Variants in NELL2 observed in about 807,000 individuals in gnomAD.
NELL2 encodes protein kinase C-binding protein NELL2.
Under a neutral mutation model 109.6 loss-of-function variants are expected in NELL2, and 41 were observed. The observed-to-expected ratio is 0.37, with a 90% confidence interval of 0.29 to 0.49. NELL2 has a LOEUF of 0.49. NELL2 is among the 20% of genes least tolerant of loss of function. The pLI, the probability that NELL2 is intolerant of heterozygous loss-of-function variation, is 0.98. For missense variants in NELL2, 900 were observed against 1,008.3 expected (o/e 0.89, Z 1.45); for synonymous variants, 355 against 344.7 (o/e 1.03, Z -0.33).
chr12:44,655,134 C>A (rs1947454504), intron 13 of NELL2, among the ~76,000 whole-genome samples: 2 of 152,122 alleles, frequency 1.3e-5, no homozygotes, highest in South Asian at 4.1e-4. Flanking sequence ...ATACATCCAC[C>A]TGGGACAAAG....
intron 1 of NELL2, among the ~76,000 whole-genome samples, chr12:44,920,314 C>A (rs988383387): frequency 2.6e-5 from 4 of 151,982 alleles, no homozygotes; most frequent in African/African-American, 9.7e-5. Flanking sequence ...AATTTTAATT[C>A]TTTAGAAAGA....
chr12:44,864,192 T>C (rs1944922273), intron 2 of NELL2, among the ~76,000 whole-genome samples: 1 of 152,236 alleles, frequency 6.6e-6, no homozygotes, highest in East Asian at 1.9e-4. Flanking sequence ...ATTAACATAA[T>C]ACCTGTAGTA....
At chr12:44,735,053 T>C (rs914382426) in intron 9 of NELL2, among the ~76,000 whole-genome samples, 5 of 152,140 alleles carry the variant, frequency 3.3e-5, no homozygotes. Flanking sequence ...AAGTTAATAT[T>C]GCCTTTGGCT....
chr12:44,698,349 T>C (rs7974610), intron 12 of NELL2, among the ~76,000 whole-genome samples: 9,454 of 152,252 alleles, frequency 0.062, 969 homozygotes, highest in African/African-American at 0.21. Flanking sequence ...TCAGGGCTAA[T>C]GGATAAATAG....
intron 3 of NELL2, among the ~76,000 whole-genome samples, chr12:44,796,888 G>A (rs1281420215): frequency 6.6e-6 from 1 of 151,938 alleles, no homozygotes; most frequent in Non-Finnish European, 1.5e-5. Context: ...AGGAAAAAAT[G>A]ACCACTTGTA....
chr12:44,882,630 C>A (rs534690426), intron 1 of NELL2, among the ~76,000 whole-genome samples: 51 of 151,668 alleles, frequency 3.4e-4, no homozygotes, highest in Admixed American at 1.3e-3. Flanking sequence ...CGAGTTCGAG[C>A]AATTCTCCTG....
chr12:44,812,054 C>A (rs945894679), intron 3 of NELL2, among the ~76,000 whole-genome samples: 1 of 151,942 alleles, frequency 6.6e-6, no homozygotes, highest in Admixed American at 6.6e-5. Context: ...CTATGGTGAA[C>A]TAGAATGCAC....
chr12:44,746,179 C>G (rs1349422714), intron 9 of NELL2, among the ~76,000 whole-genome samples: 2 of 152,056 alleles, frequency 1.3e-5, no homozygotes, highest in Non-Finnish European at 2.9e-5. Context: ...ACAAACCTGA[C>G]AAAAACAAGA....
At chr12:44,883,780 T>C (rs1047912654) in intron 1 of NELL2, among the ~76,000 whole-genome samples, 7 of 152,100 alleles carry the variant, frequency 4.6e-5, no homozygotes, top group Non-Finnish European at 1.0e-4. Context: ...GAAGTATGTA[T>C]ATCATAATTC....
At chr12:44,558,496 A>G (rs7974071) in intron 15 of NELL2, among the ~76,000 whole-genome samples, 5,321 of 152,276 alleles carry the variant, frequency 0.035, 335 homozygotes, top group African/African-American at 0.12. Context: ...CAGTGGGTGC[A>G]GCCCAGGGAG....
chr12:44,519,546 A>G (rs1941425343), intron 19 of NELL2, among the ~76,000 whole-genome samples: 1 of 152,212 alleles, frequency 6.6e-6, no homozygotes, highest in African/African-American at 2.4e-5. Flanking sequence ...ACCAAGAAAT[A>G]TGCCCATCTT....
chr12:44,659,776 C>CT lies in NELL2; in HGVS notation c.1444+5707dup, dbSNP rs989633649. ...TCCTTGAGGAACACCAGAGGAGCCC[C>CT]TTTTTTTTCAACAACAAAAACTCAA... On this transcript the variant is annotated intron_variant, in intron 13 of 19. Coordinates refer to ENST00000429094, the MANE Select transcript of NELL2 (RefSeq NM_001145108.2). Among the ~76,000 whole-genome samples, 6 of 151,714 alleles carry CT rather than the reference C, an allele frequency of 4.0e-5. No individual in the cohort carries two copies. In the South Asian group the frequency reaches 8.3e-4, roughly 21 times the overall value.
chr12:44,668,433 C>T (rs1948016003), intron 12 of NELL2, among the ~76,000 whole-genome samples: 1 of 152,052 alleles, frequency 6.6e-6, no homozygotes, highest in Non-Finnish European at 1.5e-5. Context: ...ACCCAATGCC[C>T]CTGCCATCAG....
At chr12:44,645,471 G>A (rs899686162) in intron 13 of NELL2, among the ~76,000 whole-genome samples, 10 of 152,308 alleles carry the variant, frequency 6.6e-5, no homozygotes, top group African/African-American at 2.4e-4. Context: ...TAAGTTGGGT[G>A]TCCAGAATGA....
chr12:44,622,294 T>G (rs1208856011), intron 13 of NELL2, among the ~76,000 whole-genome samples: 1 of 152,154 alleles, frequency 6.6e-6, no homozygotes, highest in Non-Finnish European at 1.5e-5. Flanking sequence ...TTCAACCTTG[T>G]TGCTCCTGTG....
At chr12:44,577,377 A>C (rs1313717183) in intron 15 of NELL2, among the ~76,000 whole-genome samples, 1 of 135,768 alleles carries the variant, frequency 7.4e-6, no homozygotes, top group Non-Finnish European at 1.6e-5. Flanking sequence ...TCCTTTGCCC[A>C]CTTTTTGATG....
chr12:44,614,741 G>T (rs1945757888), intron 13 of NELL2, among the ~76,000 whole-genome samples: 1 of 151,904 alleles, frequency 6.6e-6, no homozygotes, highest in Non-Finnish European at 1.5e-5. Flanking sequence ...TTTAAATTTG[G>T]TATTCATATT....
intron 9 of NELL2, among the ~76,000 whole-genome samples, chr12:44,725,581 T>C (rs559236032): frequency 6.6e-6 from 1 of 152,154 alleles, no homozygotes; most frequent in East Asian, 1.9e-4. Context: ...CTATTCACAA[T>C]AGCAAAGACA....
chr12:44,665,371 T>C, intron 13 of NELL2, 113 bp downstream of exon 13: 1 of 857,302 alleles, frequency 1.2e-6, no homozygotes, highest in Non-Finnish European at 1.7e-6. Flanking sequence ...ATGATTTTGC[T>C]AATGTTTTGT....
Sources: gnomAD v4.1 joint callset for allele counts (sites outside exome capture counted in the v4.1 genomes callset) on GRCh38, gnomAD v4.1.1 for gene constraint, MANE v1.5 for transcripts, NCBI Gene and HGNC (gene_info 2026-07-23, HGNC 2026-07-21) for gene names.